GRIA1: variants seen among roughly 807,000 people sequenced by gnomAD.
GRIA1 encodes glutamate ionotropic receptor AMPA type subunit 1.
GRIA1 carries 31 observed loss-of-function variants against 99.2 expected under a neutral mutation model. The observed-to-expected ratio is 0.31, with a 90% CI of 0.23 to 0.42. The LOEUF is 0.42. Among genes scored for constraint, GRIA1 ranks in the 10% least tolerant of loss-of-function variants. GRIA1 has a pLI of 1.00. For synonymous variants in GRIA1, 438 were observed against 432.4 expected (o/e 1.01, Z -0.16); for missense variants, 782 against 1,157.5 (o/e 0.68, Z 4.71).
chr5:153,600,391 CAAAAAAAAAAAA>C (rs57395601), intron 2 of GRIA1, among the ~76,000 whole-genome samples: 4 of 51,502 alleles, frequency 7.8e-5, no homozygotes, highest in East Asian at 1.6e-3. Context: ...GACTCCATCT[CAAAAAAAAAAAA>C]AAAAAAAAAA....
chr5:153,749,855 G>C (rs1762398660), intron 11 of GRIA1, among the ~76,000 whole-genome samples: 3 of 151,986 alleles, frequency 2.0e-5, no homozygotes, highest in Admixed American at 1.3e-4. Context: ...AAAAAAATAG[G>C]AACAAAGGAC....
chr5:153,733,015 A>T (rs887935410), intron 11 of GRIA1, among the ~76,000 whole-genome samples: 1 of 147,826 alleles, frequency 6.8e-6, no homozygotes, highest in African/African-American at 2.5e-5. Context: ...TATTCTTGAT[A>T]TCTCTTTAAT....
At chr5:153,740,164 T>C (rs937530440) in intron 11 of GRIA1, among the ~76,000 whole-genome samples, 3 of 152,248 alleles carry the variant, frequency 2.0e-5, no homozygotes, top group Non-Finnish European at 4.4e-5. Context: ...CCAAGGAACA[T>C]TTGTTGACTG....
rs563987400 is a variant in GRIA1, at chr5:153,492,969, A to T, written c.83-959A>T. On this transcript the variant is annotated intron_variant, in intron 1 of 15. Coordinates refer to ENST00000285900, the MANE Select transcript of GRIA1 (RefSeq NM_000827.4). ...AGAAGTGCATTATGTTTGGACTGTGATTACTGTCAGATTTGAGATAAACTT... is the reference window on the plus strand; with the variant it reads ...AGAAGTGCATTATGTTTGGACTGTGTTTACTGTCAGATTTGAGATAAACTT... 1.1e-4 allele frequency among the ~76,000 whole-genome samples: 16 copies of T among 152,308 alleles called. No homozygotes were observed. The East Asian group carries it at 2.9e-3, about 28-fold the overall frequency.
At chr5:153,600,521 G>C (rs1764851804) in intron 2 of GRIA1, among the ~76,000 whole-genome samples, 1 of 149,946 alleles carries the variant, frequency 6.7e-6, no homozygotes, top group Admixed American at 6.7e-5. Flanking sequence ...CCAGGTTTTT[G>C]ACTGTGGAAA....
intron 2 of GRIA1, among the ~76,000 whole-genome samples, chr5:153,501,763 G>C (rs1045467112): frequency 6.6e-6 from 1 of 152,198 alleles, no homozygotes; most frequent in Non-Finnish European, 1.5e-5. Flanking sequence ...GGAAGCTGAT[G>C]ACTTGGTTTA....
intron 2 of GRIA1, among the ~76,000 whole-genome samples, chr5:153,605,821 G>A (rs1369872288): frequency 6.6e-6 from 1 of 152,060 alleles, no homozygotes; most frequent in Non-Finnish European, 1.5e-5. Context: ...TTTAAAAATT[G>A]ATTTTAGGTA....
At chr5:153,517,504 T>C (rs1293405976) in intron 2 of GRIA1, among the ~76,000 whole-genome samples, 1 of 152,098 alleles carries the variant, frequency 6.6e-6, no homozygotes, top group Non-Finnish European at 1.5e-5. Flanking sequence ...GGGATCAAAT[T>C]AAGTAAGGGA....
intron 13 of GRIA1, among the ~76,000 whole-genome samples, chr5:153,772,787 A>G (rs564262791): frequency 1.3e-5 from 2 of 152,304 alleles, no homozygotes; most frequent in African/African-American, 4.8e-5. Flanking sequence ...GAAAGACTCA[A>G]AGTAGAGAGT....
At chr5:153,803,918 T>A (rs1267482924) in intron 15 of GRIA1, among the ~76,000 whole-genome samples, 1 of 152,122 alleles carries the variant, frequency 6.6e-6, no homozygotes, top group Non-Finnish European at 1.5e-5. Flanking sequence ...GTTTAGAAAT[T>A]CTGTATTTAG....
At chr5:153,497,279 T>C (rs1006027251) in intron 2 of GRIA1, among the ~76,000 whole-genome samples, 8 of 152,206 alleles carry the variant, frequency 5.3e-5, no homozygotes, top group Non-Finnish European at 1.2e-4. Context: ...AGATATTTAC[T>C]GATCAGCTAC....
At chr5:153,603,948 T>C (rs528432621) in intron 2 of GRIA1, among the ~76,000 whole-genome samples, 1 of 152,336 alleles carries the variant, frequency 6.6e-6, no homozygotes, top group South Asian at 2.1e-4. Context: ...GGTAATACTA[T>C]TACTATACAT....
intron 13 of GRIA1, among the ~76,000 whole-genome samples, chr5:153,779,993 G>A (rs1365708927): frequency 1.3e-5 from 2 of 152,304 alleles, no homozygotes; most frequent in South Asian, 4.1e-4. Flanking sequence ...GGAAATGAAT[G>A]GCCTTTACCT....
At chr5:153,799,721 A>G (rs1193423713) in intron 14 of GRIA1, among the ~76,000 whole-genome samples, 2 of 152,124 alleles carry the variant, frequency 1.3e-5, no homozygotes, top group Admixed American at 6.5e-5. Context: ...CAGTTCCTAT[A>G]CCGTCTAGCT....
intron 7 of GRIA1, among the ~76,000 whole-genome samples, chr5:153,681,450 G>A (rs1756962862): frequency 6.6e-6 from 1 of 152,170 alleles, no homozygotes; most frequent in African/African-American, 2.4e-5. Flanking sequence ...TTTGAACATG[G>A]AGTAAATTGG....
At chr5:153,694,218 T>G (rs2149507671) in intron 8 of GRIA1, among the ~76,000 whole-genome samples, 1 of 152,324 alleles carries the variant, frequency 6.6e-6, no homozygotes, top group South Asian at 2.1e-4. Context: ...AAAATTAAGG[T>G]ATCTTTCTAA....
At chr5:153,624,802 C>T (rs547674764) in intron 2 of GRIA1, among the ~76,000 whole-genome samples, 1 of 152,304 alleles carries the variant, frequency 6.6e-6, no homozygotes, top group East Asian at 1.9e-4. Flanking sequence ...ATACAAGAAA[C>T]ATGCATCTTT....
chr5:153,529,930 T>C (rs115581209), intron 2 of GRIA1, among the ~76,000 whole-genome samples: 201 of 152,304 alleles, frequency 1.3e-3, no homozygotes, highest in African/African-American at 4.7e-3. Context: ...CTTATTACCC[T>C]GTTCCCTCAT....
intron 12 of GRIA1, among the ~76,000 whole-genome samples, chr5:153,768,706 G>C (rs1223681161): frequency 6.6e-6 from 1 of 151,978 alleles, no homozygotes; most frequent in Non-Finnish European, 1.5e-5. Context: ...CCTGATACTT[G>C]TATACAGAAA....
Sources: gnomAD v4.1 joint callset for allele counts (sites outside exome capture counted in the v4.1 genomes callset) on GRCh38, gnomAD v4.1.1 for gene constraint, MANE v1.5 for transcripts, NCBI Gene and HGNC (gene_info 2026-07-23, HGNC 2026-07-21) for gene names.